Variants in FBN1 observed in about 807,000 individuals in gnomAD.
FBN1 encodes the protein fibrillin-1.
A neutral mutation model predicts 365.1 loss-of-function variants in FBN1; 29 were observed. The ratio of observed to expected loss-of-function variants is 0.08; its 90% CI spans 0.06 to 0.11. The LOEUF is 0.11. FBN1 is among the 10% of genes least tolerant of loss of function. The pLI is 1.00. For synonymous variants in FBN1, 1,210 were observed against 1,270.5 expected (o/e 0.95, Z 1.01); for missense variants, 2,476 against 3,703.2 (o/e 0.67, Z 8.60).
chr15:48,472,426 G>A (rs1250915378), intron 35 of FBN1, 125 bp downstream of exon 35: 5 of 1,322,890 alleles, frequency 3.8e-6, no homozygotes, highest in African/African-American at 1.5e-5. Context: ...GAACTGACCA[G>A]CTTAGAAATG....
At chr15:48,508,482 T>G in intron 15 of FBN1, 100 bp downstream of exon 15, 1 of 1,537,026 alleles carries the variant, frequency 6.5e-7, no homozygotes, top group South Asian at 1.1e-5. Flanking sequence ...TCAAGGTACT[T>G]TAAGTGGGGA....
At position 48,600,136 on chromosome 15, in the gene FBN1, T is replaced by TA. The variant is rs2044550123; in HGVS notation, c.442+2dup. 3 of 1,597,604 alleles carry TA rather than the reference T, an allele frequency of 1.9e-6. No homozygotes were observed. The highest frequency in any genetic ancestry group is 2.2e-5 in the East Asian group (1 of 44,782). On this transcript the variant is annotated splice_region_variant and intron_variant, in intron 5 of 65. Coordinates refer to ENST00000316623, the MANE Select transcript of FBN1 (RefSeq NM_000138.5). Reference sequence around the variant, plus strand: ...AGAATACTTATAACTACAGTGTACTTACGTTGTCCACAGTGAGTCCCTATG... The same window carrying TA: ...AGAATACTTATAACTACAGTGTACTTAACGTTGTCCACAGTGAGTCCCTATG...
At chr15:48,452,156 G>A (rs955500070) in intron 45 of FBN1, among the ~76,000 whole-genome samples, 12 of 152,214 alleles carry the variant, frequency 7.9e-5, no homozygotes, top group African/African-American at 2.7e-4. Context: ...AGCCAAGATG[G>A]TGAAAACCTC....
At chr15:48,472,484 A>C (rs2141277738) in intron 35 of FBN1, 67 bp downstream of exon 35, 3 of 1,467,050 alleles carry the variant, frequency 2.0e-6, no homozygotes, top group Non-Finnish European at 1.9e-6. Flanking sequence ...AAAAAGCATC[A>C]GGAATGTTTA....
At chr15:48,498,479 A>C (rs1472155100) in intron 18 of FBN1, among the ~76,000 whole-genome samples, 1 of 152,136 alleles carries the variant, frequency 6.6e-6, no homozygotes, top group Non-Finnish European at 1.5e-5. Context: ...AATTCCTTGC[A>C]TGGCACCAAT....
At chr15:48,487,539 T>G in intron 27 of FBN1, 102 bp from the exon 28 acceptor site, 1 of 1,516,652 alleles carries the variant, frequency 6.6e-7, no homozygotes, top group Non-Finnish European at 9.1e-7. Context: ...CTTGACCTCC[T>G]TGTCTCAAGG....
At chr15:48,448,702 C>T in intron 46 of FBN1, 66 bp downstream of exon 46, 1 of 1,482,942 alleles carries the variant, frequency 6.7e-7, no homozygotes, top group Non-Finnish European at 9.3e-7. Context: ...TAAATTTTAT[C>T]CATATTTAGA....
At position 48,474,538 on chromosome 15, in the gene FBN1, A is replaced by T. The variant is rs762033800; in HGVS notation, c.4077T>A (p.Ile1359=). The T allele has an allele frequency of 1.2e-6, 2 of 1,614,180 alleles. No homozygotes were observed. Among genetic ancestry groups the T allele is most frequent in the Admixed American group, 3.3e-5 (2 of 60,018 alleles). ...TACTTTCCTACTCACCAGTGCACTT[A>T]ATGCCATCTCCAATCCACCCGGGAC... ...SCSPGWIGDG[I]KCTDLDECSN... Residue 1359 remains isoleucine (I), a synonymous_variant, in exon 33 of 66, where the codon ATT becomes ATA. Coordinates refer to ENST00000316623, the MANE Select transcript of FBN1 (RefSeq NM_000138.5).
At chr15:48,633,996 T>C (rs369449571) in intron 2 of FBN1, among the ~76,000 whole-genome samples, 35 of 152,330 alleles carry the variant, frequency 2.3e-4, no homozygotes, top group African/African-American at 8.2e-4. Context: ...CTATAACTAA[T>C]TTATAATATG....
intron 47 of FBN1, 140 bp from the exon 48 acceptor site, chr15:48,445,644 T>C (rs1214282886): frequency 2.4e-6 from 2 of 840,288 alleles, no homozygotes; most frequent in Non-Finnish European, 3.9e-6. Flanking sequence ...GAAATGCCAA[T>C]GAAGATCTAG....
intron 49 of FBN1, among the ~76,000 whole-genome samples, chr15:48,443,374 A>G (rs2043130832): frequency 6.6e-6 from 1 of 152,176 alleles, no homozygotes; most frequent in Non-Finnish European, 1.5e-5. Context: ...ACTTATTAGG[A>G]TAGGGCCAAA....
At chr15:48,573,018 G>A (rs975489917) in intron 6 of FBN1, among the ~76,000 whole-genome samples, 1 of 152,148 alleles carries the variant, frequency 6.6e-6, no homozygotes, top group African/African-American at 2.4e-5. Flanking sequence ...TGGTTCTGCA[G>A]ATAAATGAAG....
intron 8 of FBN1, among the ~76,000 whole-genome samples, chr15:48,533,092 T>C (rs2043986691): frequency 1.3e-5 from 2 of 152,216 alleles, no homozygotes; most frequent in South Asian, 4.1e-4. Flanking sequence ...TGATATACAG[T>C]GGCAACTGAC....
intron 2 of FBN1, among the ~76,000 whole-genome samples, chr15:48,621,649 G>C (rs1889767996): frequency 6.6e-6 from 1 of 152,144 alleles, no homozygotes; most frequent in South Asian, 2.1e-4. Context: ...TAAAAACTCA[G>C]AACATTTGAA....
At chr15:48,642,760 C>T (rs1890221966) in intron 2 of FBN1, 1 of 151,848 alleles carries the variant, frequency 6.6e-6, no homozygotes, top group African/African-American at 2.4e-5. Flanking sequence ...CACATAATTA[C>T]AATTCTATTA....
chr15:48,524,650 C>G lies in FBN1; in HGVS notation c.988+1480G>C, dbSNP rs536325179. On this transcript the variant is annotated intron_variant, in intron 9 of 65. Transcript: ENST00000316623. ...GCATCCAGAGTTGAGGGGTAGAAGG[C>G]AAAATGAGGGAAATCTGGGCTGTGC... Among the ~76,000 whole-genome samples, 12 of 152,044 alleles carry G rather than the reference C, an allele frequency of 7.9e-5. No homozygotes were observed. The South Asian group carries it at 2.5e-3, about 32-fold the overall frequency.
intron 15 of FBN1, 146 bp downstream of exon 15, chr15:48,508,436 A>T: frequency 1.1e-6 from 1 of 929,584 alleles, no homozygotes; most frequent in Non-Finnish European, 1.7e-6. Context: ...GGCTGGATTT[A>T]AGAAGGAGTT....
At chr15:48,427,190 G>A (rs2042984775) in intron 58 of FBN1, among the ~76,000 whole-genome samples, 1 of 152,092 alleles carries the variant, frequency 6.6e-6, no homozygotes, top group Admixed American at 6.5e-5. Flanking sequence ...AATACAGTTT[G>A]GCCAGTTTTA....
intron 2 of FBN1, among the ~76,000 whole-genome samples, chr15:48,614,184 A>G (rs2140739332): frequency 6.6e-6 from 1 of 152,336 alleles, no homozygotes; most frequent in South Asian, 2.1e-4. Context: ...ACTTTGCCGT[A>G]TCCTGAGGGC....
Sources: allele counts gnomAD v4.1 joint callset (sites outside exome capture counted in the v4.1 genomes callset), GRCh38; gene constraint gnomAD v4.1.1; transcripts MANE v1.5; gene names NCBI Gene and HGNC (gene_info 2026-07-23, HGNC 2026-07-21).